SEM1: variants seen among roughly 807,000 people sequenced by gnomAD.
The protein encoded by SEM1 is 26S proteasome complex subunit SEM1.
In SEM1, 3 loss-of-function variants were observed where a neutral mutation model predicts 12.7. The observed-to-expected ratio is 0.24, with a 90% CI of 0.11 to 0.61. SEM1 has a LOEUF of 0.61. Ranked by LOEUF, SEM1 falls within the 20% of genes least tolerant of loss-of-function variation. The pLI is 0.88. For missense variants in SEM1, 59 were observed against 81.3 expected (o/e 0.73, Z 1.06); for synonymous variants, 30 against 27.8 (o/e 1.08, Z -0.25).
At chr7:96,602,665 G>A (rs1303342419) in intron 2 of SEM1, among the ~76,000 whole-genome samples, 10 of 152,178 alleles carry the variant, frequency 6.6e-5, no homozygotes, top group Non-Finnish European at 1.5e-4. Flanking sequence ...AATTCAGCCA[G>A]CATTTTCATG....
At chr7:96,687,229 G>A (rs576025033), downstream of SEM1, among the ~76,000 whole-genome samples, 11 of 152,226 alleles carry the variant, frequency 7.2e-5, no homozygotes, top group South Asian at 6.2e-4. Context: ...TCAGTGTGGC[G>A]ATTCCTCAGG....
intron 2 of SEM1, among the ~76,000 whole-genome samples, chr7:96,606,148 C>A (rs1476234253): frequency 6.6e-6 from 1 of 152,108 alleles, no homozygotes; most frequent in African/African-American, 2.4e-5. Context: ...GCCTAATTTA[C>A]AAATTAAACT....
chr7:96,592,557 A>G (rs529074390), intron 2 of SEM1, among the ~76,000 whole-genome samples: 2 of 151,910 alleles, frequency 1.3e-5, no homozygotes, highest in African/African-American at 4.8e-5. Flanking sequence ...ATTTTTCAGC[A>G]GCACCATGAC....
intron 2 of SEM1, among the ~76,000 whole-genome samples, chr7:96,654,339 C>T (rs1288648869): frequency 6.6e-6 from 1 of 152,200 alleles, no homozygotes; most frequent in Admixed American, 6.5e-5. Flanking sequence ...TGTCATCCCT[C>T]TCCTAGTATA....
At chr7:96,687,584 G>A (rs1325149577), downstream of SEM1, among the ~76,000 whole-genome samples, 9 of 151,572 alleles carry the variant, frequency 5.9e-5, no homozygotes, top group Non-Finnish European at 1.3e-4. Flanking sequence ...ATTGAACAAT[G>A]AGAACACATG....
At chr7:96,613,156 G>T (rs2116245900) in intron 2 of SEM1, among the ~76,000 whole-genome samples, 1 of 152,226 alleles carries the variant, frequency 6.6e-6, no homozygotes, top group Non-Finnish European at 1.5e-5. Context: ...CTGATTCTAT[G>T]GAGATATTTT....
chr7:96,685,036 T>A (rs1789721667), downstream of SEM1, among the ~76,000 whole-genome samples: 1 of 152,084 alleles, frequency 6.6e-6, no homozygotes, highest in Non-Finnish European at 1.5e-5. Flanking sequence ...AATTGTCAGC[T>A]CTCTGCCAAG....
intron 2 of SEM1, among the ~76,000 whole-genome samples, chr7:96,521,224 G>A (rs1353029270): frequency 1.3e-5 from 2 of 152,072 alleles, no homozygotes; most frequent in South Asian, 4.1e-4. Context: ...ACTCTCTCCA[G>A]CTTTTATCAG....
intron 2 of SEM1, among the ~76,000 whole-genome samples, chr7:96,677,252 A>T (rs1789474812): frequency 6.6e-6 from 1 of 152,180 alleles, no homozygotes; most frequent in Non-Finnish European, 1.5e-5. Context: ...AATCGAGAGA[A>T]GGGAATTATC....
At chr7:96,492,622 G>A (rs1416137363) in intron 1 of SEM1, among the ~76,000 whole-genome samples, 4 of 99,468 alleles carry the variant, frequency 4.0e-5, no homozygotes, top group African/African-American at 1.5e-4. Context: ...GTAGAGACAA[G>A]GTTTCACCAT....
intron 2 of SEM1, among the ~76,000 whole-genome samples, chr7:96,561,755 T>C (rs1805697037): frequency 6.6e-6 from 1 of 152,248 alleles, no homozygotes; most frequent in African/African-American, 2.4e-5. Context: ...AAAGATGCGT[T>C]ATAGATGGAG....
intron 2 of SEM1, among the ~76,000 whole-genome samples, chr7:96,529,941 T>A (rs1489435676): frequency 6.6e-6 from 1 of 152,038 alleles, no homozygotes; most frequent in East Asian, 1.9e-4. Context: ...ATAAAAACAG[T>A]TGTACAACTT....
upstream of SEM1, among the ~76,000 whole-genome samples, chr7:96,500,240 G>A (rs1401273019): frequency 6.6e-6 from 1 of 151,514 alleles, no homozygotes; most frequent in African/African-American, 2.4e-5. Context: ...GTCAGCAAAG[G>A]GGACACTGGC....
At chr7:96,522,140 G>A (rs1317103422) in intron 2 of SEM1, among the ~76,000 whole-genome samples, 1 of 152,120 alleles carries the variant, frequency 6.6e-6, no homozygotes, top group Non-Finnish European at 1.5e-5. Flanking sequence ...GTCAATGTTA[G>A]TATTTTGGAT....
chr7:96,603,723 C>T (rs951907964), intron 2 of SEM1, among the ~76,000 whole-genome samples: 6 of 152,074 alleles, frequency 3.9e-5, no homozygotes, highest in Non-Finnish European at 1.5e-5. Context: ...GAAATCTCTC[C>T]CAACAGTGCT....
chr7:96,643,486 C>T (rs891951065), intron 2 of SEM1, among the ~76,000 whole-genome samples: 2 of 152,044 alleles, frequency 1.3e-5, no homozygotes, highest in Admixed American at 6.6e-5. Flanking sequence ...TCTCCTAATG[C>T]TATAAAGACA....
At position 96,609,490 on chromosome 7, in the gene SEM1, C is replaced by T. The variant is rs201275261; in HGVS notation, c.170+85308G>A. 9.2e-5 allele frequency among the ~76,000 whole-genome samples: 14 copies of T among 152,222 alleles called. No homozygotes were observed. The East Asian group carries it at 1.4e-3, about 15-fold the overall frequency. ...GAGGTAGACATTATGATCATTTTAT[C>T]GAGATTTAAGATAAAACTGAGGCCC... On this transcript the variant is annotated intron_variant and NMD_transcript_variant, in intron 2 of 3. Coordinates refer to the SEM1 transcript ENST00000466986.
chr7:96,522,025 G>T (rs570888169), intron 2 of SEM1, among the ~76,000 whole-genome samples: 8 of 152,078 alleles, frequency 5.3e-5, no homozygotes, highest in African/African-American at 1.9e-4. Flanking sequence ...AGAAAGAGAA[G>T]AAAAAAAGTA....
At chr7:96,622,366 C>T, downstream of SEM1, 1 of 496,664 alleles carries the variant, frequency 2.0e-6, no homozygotes, top group South Asian at 3.8e-5. Flanking sequence ...TATTTCAGAG[C>T]TTTGAGACAC....
Sources: allele counts gnomAD v4.1 joint callset (sites outside exome capture counted in the v4.1 genomes callset), GRCh38; gene constraint gnomAD v4.1.1; transcripts MANE v1.5; gene names NCBI Gene and HGNC (gene_info 2026-07-23, HGNC 2026-07-21).